The following DIAPH1 variants were observed in gnomAD, a reference collection of about 807,000 sequenced individuals.
The protein encoded by DIAPH1 is diaphanous related formin 1, also known as protein diaphanous homolog 1.
In DIAPH1, 46 loss-of-function variants were observed where a neutral mutation model predicts 140.7. The ratio of observed to expected loss-of-function variants is 0.33; its 90% CI spans 0.26 to 0.42. DIAPH1 has a LOEUF of 0.42. Ranked by LOEUF, DIAPH1 falls within the 10% of genes least tolerant of loss-of-function variation. The probability of loss-of-function intolerance (pLI) is 1.00; values close to 1 mark genes in which losing one functional copy is unlikely to be tolerated. For missense variants in DIAPH1, 1,310 were observed against 1,558.7 expected (o/e 0.84, Z 2.69); for synonymous variants, 565 against 551.6 (o/e 1.02, Z -0.34).
In DIAPH1 at chr5:141,527,716, A is replaced by C. The variant is rs1181356344; in HGVS notation, c.3149-19T>G. 1.1e-5 allele frequency: 18 copies of C among 1,565,712 alleles called. No homozygotes were observed. The highest frequency in any genetic ancestry group is 3.8e-5 in the Admixed American group (2 of 52,744). On this transcript the variant is annotated intron_variant, in intron 23 of 27. Coordinates refer to ENST00000389054, the MANE Select transcript of DIAPH1 (RefSeq NM_005219.5). ...GCAGAAACTAAAAAAAAAAAAAAAA[A>C]AAAAAACCATAAAAACAGACAGCAA...
At chr5:141,572,295 T>C (rs1399367422) in intron 16 of DIAPH1, among the ~76,000 whole-genome samples, 1 of 152,226 alleles carries the variant, frequency 6.6e-6, no homozygotes, top group Non-Finnish European at 1.5e-5. Context: ...CCAAATCCTC[T>C]AGCTTCATAA....
At chr5:141,548,155 C>T (rs1481666557) in intron 18 of DIAPH1, among the ~76,000 whole-genome samples, 4 of 151,486 alleles carry the variant, frequency 2.6e-5, no homozygotes, top group African/African-American at 9.7e-5. Flanking sequence ...GCTATGATTG[C>T]GCCACTCCAC....
intron 1 of DIAPH1, among the ~76,000 whole-genome samples, chr5:141,609,807 G>T (rs2099901528): frequency 6.6e-6 from 1 of 152,026 alleles, no homozygotes; most frequent in Admixed American, 6.5e-5. Flanking sequence ...AAAACAAAAG[G>T]TTGCTAACAC....
chr5:141,538,085 G>C (rs556283397), intron 18 of DIAPH1, among the ~76,000 whole-genome samples: 2 of 148,418 alleles, frequency 1.3e-5, no homozygotes, highest in South Asian at 4.3e-4. Flanking sequence ...TTTTGAGACA[G>C]AGTCTCGCTC....
At chr5:141,520,078 T>A (rs1192692979) in intron 27 of DIAPH1, among the ~76,000 whole-genome samples, 1 of 152,130 alleles carries the variant, frequency 6.6e-6, no homozygotes, top group Non-Finnish European at 1.5e-5. Context: ...AAAAAAGACC[T>A]TTATAAAACG....
intron 1 of DIAPH1, among the ~76,000 whole-genome samples, chr5:141,592,826 ATT>A (rs1196205448): frequency 6.6e-6 from 1 of 152,194 alleles, no homozygotes; most frequent in Non-Finnish European, 1.5e-5. Flanking sequence ...TACAGAATGA[ATT>A]TTTTTAAAAT....
chr5:141,615,417 C>G (rs2099902508), intron 1 of DIAPH1, among the ~76,000 whole-genome samples: 1 of 91,522 alleles, frequency 1.1e-5, no homozygotes, highest in Admixed American at 1.5e-4. Flanking sequence ...TTGGACACAG[C>G]AAGACTCGTC....
intron 18 of DIAPH1, among the ~76,000 whole-genome samples, chr5:141,566,172 G>A (rs1485228042): frequency 6.6e-6 from 1 of 152,178 alleles, no homozygotes; most frequent in African/African-American, 2.4e-5. Context: ...AAGGGAGTAA[G>A]GTAAAAAGAT....
At position 141,537,263 on chromosome 5, in the gene DIAPH1, C is replaced by T. The variant is rs1231944020; in HGVS notation, c.2483-2830G>A. On this transcript the variant is annotated intron_variant, in intron 18 of 27. Transcript: ENST00000389054. ...CTTTGGGAGGCTGAGGCGGGCGGAT[C>T]ACCTGAAGTCGGGAGTTCGAGACCA... Among the ~76,000 whole-genome samples the T allele has an allele frequency of 5.9e-5, 9 of 152,032 alleles. No individual in the cohort carries two copies. The East Asian group carries it at 1.7e-3, about 29-fold the overall frequency.
At chr5:141,539,418 G>GTTTTTTTTTTT (rs57490035) in intron 18 of DIAPH1, among the ~76,000 whole-genome samples, 2 of 132,550 alleles carry the variant, frequency 1.5e-5, no homozygotes, top group African/African-American at 5.5e-5. Context: ...GGGTAGTTTT[G>GTTTTTTTTTTT]TTTTTTTTTT....
chr5:141,541,539 T>C (rs886398755), intron 18 of DIAPH1, among the ~76,000 whole-genome samples: 2 of 150,806 alleles, frequency 1.3e-5, no homozygotes, highest in African/African-American at 4.9e-5. Flanking sequence ...AACACAAAAA[T>C]TAGCTGGTGG....
intron 18 of DIAPH1, among the ~76,000 whole-genome samples, chr5:141,552,134 T>C (rs538913329): frequency 7.9e-5 from 12 of 152,202 alleles, no homozygotes; most frequent in Middle Eastern, 6.8e-3. Flanking sequence ...GATCTTGAGA[T>C]GACAGGATTA....
At position 141,583,309 on chromosome 5, in the gene DIAPH1, G is replaced by C; in HGVS notation, c.534-17C>G. 6.2e-7 allele frequency: 1 copy of C among 1,613,058 alleles called. No individual in the cohort carries two copies. On this transcript the variant is annotated splice_polypyrimidine_tract_variant and intron_variant, in intron 5 of 27. Transcript: ENST00000389054. The stretch of plus-strand genomic sequence containing the variant: ...TGCACCCAACTGTAAGGAACAGAGA[G>C]AGGCAATGCAATATCAAACCAATAA...
intron 18 of DIAPH1, chr5:141,564,433 A>C (rs1368925761): frequency 6.6e-6 from 1 of 152,262 alleles, no homozygotes; most frequent in Admixed American, 6.5e-5. Context: ...ACACTGCTAG[A>C]AATAAAATAT....
In DIAPH1 at chr5:141,610,041, TA is replaced by T. The variant is rs1258513947; in HGVS notation, c.117+8756del. ...AGCCGAGCACAGTGGCTCACACTTG[TA>T]ATCACAGGGCTTTGGGAGGCCAAGG... On this transcript the variant is annotated intron_variant, in intron 1 of 27. Coordinates refer to ENST00000389054, the MANE Select transcript of DIAPH1 (RefSeq NM_005219.5). 2.0e-5 allele frequency among the ~76,000 whole-genome samples: 3 copies of T among 152,228 alleles called. No homozygotes were observed. The East Asian group carries it at 5.8e-4, about 29-fold the overall frequency.
At chr5:141,527,933 G>A (rs1254087424) in intron 23 of DIAPH1, among the ~76,000 whole-genome samples, 1 of 152,076 alleles carries the variant, frequency 6.6e-6, no homozygotes, top group African/African-American at 2.4e-5. Flanking sequence ...CCTTCACAAG[G>A]TATGCAGTAC....
At chr5:141,571,892 A>C (rs755065107) in intron 17 of DIAPH1, 34 bp downstream of exon 17, 4 of 1,444,712 alleles carry the variant, frequency 2.8e-6, no homozygotes, top group Non-Finnish European at 3.9e-6. Flanking sequence ...TAAGCCCTAC[A>C]CTGGACCTTT....
chr5:141,517,398 T>C (rs554553977), intron 27 of DIAPH1, among the ~76,000 whole-genome samples: 25 of 152,344 alleles, frequency 1.6e-4, no homozygotes, highest in African/African-American at 5.8e-4. Context: ...CATAGTATTA[T>C]TTTTGTTTTC....
At chr5:141,585,101 C>T (rs562991981) in intron 3 of DIAPH1, among the ~76,000 whole-genome samples, 1 of 152,036 alleles carries the variant, frequency 6.6e-6, no homozygotes, top group Non-Finnish European at 1.5e-5. Context: ...GGATTACAGG[C>T]GCCCGCCACC....
Sources: gnomAD v4.1 joint callset for allele counts (sites outside exome capture counted in the v4.1 genomes callset) on GRCh38, gnomAD v4.1.1 for gene constraint, MANE v1.5 for transcripts, NCBI Gene and HGNC (gene_info 2026-07-23, HGNC 2026-07-21) for gene names.